The following MARCHF10 variants were observed in gnomAD, a reference collection of about 807,000 sequenced individuals.
The protein encoded by MARCHF10 is probable E3 ubiquitin-protein ligase MARCHF10.
Under a neutral mutation model 76.2 loss-of-function variants are expected in MARCHF10, and 64 were observed. That is an observed-to-expected ratio of 0.84 (90% CI 0.69 to 1.03). The LOEUF (loss-of-function observed/expected upper bound fraction) is 1.03. Among genes scored for constraint, MARCHF10 ranks in the 50% least tolerant of loss-of-function variants. The probability of loss-of-function intolerance (pLI) is 0.00; values close to 1 mark genes in which losing one functional copy is unlikely to be tolerated. For missense variants in MARCHF10, 875 were observed against 958.0 expected (o/e 0.91, Z 1.14); for synonymous variants, 340 against 357.5 (o/e 0.95, Z 0.55).
At chr17:62,746,000 G>T (rs1361421468) in intron 4 of MARCHF10, among the ~76,000 whole-genome samples, 2 of 152,214 alleles carry the variant, frequency 1.3e-5, no homozygotes, top group Admixed American at 1.3e-4. Flanking sequence ...TAAAGCCGGG[G>T]AAAGCCCCCG....
intron 6 of MARCHF10, among the ~76,000 whole-genome samples, chr17:62,731,042 A>G (rs1288400811): frequency 1.3e-5 from 2 of 152,226 alleles, no homozygotes; most frequent in Admixed American, 6.5e-5. Flanking sequence ...TGATATATGA[A>G]AGGAGAATAT....
chr17:62,782,916 C>A (rs1338199729), intron 3 of MARCHF10, among the ~76,000 whole-genome samples: 1 of 152,150 alleles, frequency 6.6e-6, no homozygotes, highest in Non-Finnish European at 1.5e-5. Flanking sequence ...TGTCCAGGGG[C>A]AAATCCTCCA....
chr17:62,714,299 G>A (rs925823240), intron 8 of MARCHF10: 8 of 730,718 alleles, frequency 1.1e-5, no homozygotes, highest in Non-Finnish European at 1.3e-5. Flanking sequence ...TGTGACTTTA[G>A]GCAGAGTTTT....
intron 8 of MARCHF10, chr17:62,714,522 G>A (rs2090093973): frequency 2.0e-6 from 1 of 510,796 alleles, no homozygotes; most frequent in Non-Finnish European, 2.5e-6. Flanking sequence ...TGTCTTGTTT[G>A]CTCCTGACTC....
intron 7 of MARCHF10, among the ~76,000 whole-genome samples, chr17:62,724,059 GAGA>G (rs1311947221): frequency 3.9e-5 from 6 of 152,162 alleles, no homozygotes; most frequent in Non-Finnish European, 8.8e-5. Context: ...GACGGCTAAG[GAGA>G]AGGATATGGA....
chr17:62,725,558 C>T (rs1021427388), intron 6 of MARCHF10, among the ~76,000 whole-genome samples: 1 of 152,222 alleles, frequency 6.6e-6, no homozygotes, highest in Admixed American at 6.5e-5. Context: ...AGCCCCTGGG[C>T]CTGGCTGAGG....
chr17:62,756,338 T>C (rs758553616), intron 4 of MARCHF10, among the ~76,000 whole-genome samples: 6 of 152,008 alleles, frequency 3.9e-5, no homozygotes, highest in Non-Finnish European at 7.4e-5. Flanking sequence ...CACAGCTACT[T>C]GGGAGGCCGG....
intron 3 of MARCHF10, among the ~76,000 whole-genome samples, chr17:62,782,342 G>GTTTTTTTT (rs1386514618): frequency 6.3e-5 from 7 of 111,656 alleles, no homozygotes; most frequent in Non-Finnish European, 8.6e-5. Flanking sequence ...GCAAACAACT[G>GTTTTTTTT]TTCTTTTTTT....
intron 3 of MARCHF10, among the ~76,000 whole-genome samples, chr17:62,770,465 A>C (rs2092421602): frequency 6.6e-6 from 1 of 152,156 alleles, no homozygotes. Flanking sequence ...ACAGTGGCTG[A>C]ACTAATTTAC....
chr17:62,767,874 G>A (rs1046925333), intron 3 of MARCHF10, among the ~76,000 whole-genome samples: 2 of 152,084 alleles, frequency 1.3e-5, no homozygotes, highest in Non-Finnish European at 1.5e-5. Flanking sequence ...GAACTGAATC[G>A]TTCAGCCCCT....
Position 62,703,570 on chromosome 17 carries a change from C to A in MARCHF10, c.2372-1812G>T, listed in dbSNP as rs181434120. 1,396 of 153,440 alleles carry A rather than the reference C, an allele frequency of 9.1e-3. 8 individuals carry two copies. The highest frequency in any genetic ancestry group is 0.012 in the Non-Finnish European group (851 of 68,958). The allele number at this position is 153,440 out of a possible 1,614,324, so 9.5% of individuals were successfully genotyped here. Reference sequence around the variant, plus strand: ...ACCCGTGTCTGGGGTGTGTGCTGAGCTGGGGGCAGGTGGAGATGGCCTGGG... The same window carrying A: ...ACCCGTGTCTGGGGTGTGTGCTGAGATGGGGGCAGGTGGAGATGGCCTGGG... On this transcript the variant is annotated intron_variant, in intron 10 of 10. Coordinates refer to ENST00000311269, the MANE Select transcript of MARCHF10 (RefSeq NM_152598.4).
chr17:62,794,809 C>T (rs140791105), intron 2 of MARCHF10, among the ~76,000 whole-genome samples: 34 of 152,284 alleles, frequency 2.2e-4, no homozygotes, highest in African/African-American at 6.3e-4. Flanking sequence ...GGAGTTGCCA[C>T]TTCCTTCAGT....
At chr17:62,729,912 A>G (rs923444463) in intron 6 of MARCHF10, among the ~76,000 whole-genome samples, 1 of 98,514 alleles carries the variant, frequency 1.0e-5, no homozygotes, top group African/African-American at 3.1e-5. Context: ...AGCCGGGTGC[A>G]GTGGCTCACG....
chr17:62,764,776 G>A (rs4968630), intron 3 of MARCHF10, among the ~76,000 whole-genome samples: 75,549 of 152,110 alleles, frequency 0.5, 20,313 homozygotes, highest in East Asian at 0.7. Context: ...GTTGTAGCAC[G>A]AAGCAAGCAA....
intron 3 of MARCHF10, among the ~76,000 whole-genome samples, chr17:62,782,696 G>C (rs540294666): frequency 2.0e-5 from 3 of 152,158 alleles, no homozygotes; most frequent in African/African-American, 7.2e-5. Context: ...TCTGGGAGGG[G>C]AATCTCCAAA....
chr17:62,759,992 C>T lies in MARCHF10; in HGVS notation c.225G>A (p.Glu75=). 6.2e-7 allele frequency: 1 copy of T among 1,613,848 alleles called. No homozygotes were observed. The highest frequency in any genetic ancestry group is 8.5e-7 in the Non-Finnish European group (1 of 1,179,888). ...ATGACCTTGGTTCAGTTAGAGCATC[C>T]TCCTCACTAGAACTCTACCAAAAAT... is the stretch of plus-strand genomic sequence containing the variant. The part of the protein sequence containing the change: ...RSSSKQSSSE[E]DALTEPRSSI... Residue 75 remains glutamate (E), a synonymous_variant, in exon 4 of 11, where the codon GAG becomes GAA. Coordinates refer to ENST00000311269, the MANE Select transcript of MARCHF10 (RefSeq NM_152598.4).
At chr17:62,752,934 T>G (rs2091937853) in intron 4 of MARCHF10, among the ~76,000 whole-genome samples, 1 of 152,174 alleles carries the variant, frequency 6.6e-6, no homozygotes, top group South Asian at 2.1e-4. Flanking sequence ...AAATCCAATC[T>G]GATTGCATCA....
At chr17:62,714,235 T>G (rs2090077002) in intron 8 of MARCHF10, 1 of 216,088 alleles carries the variant, frequency 4.6e-6, no homozygotes, top group East Asian at 1.8e-4. Context: ...CTGGAGTGCA[T>G]CTTACCTGGA....
chr17:62,736,390 G>A lies in MARCHF10; in HGVS notation c.1478C>T (p.Ser493Leu), dbSNP rs74504785. 952 of 1,614,146 alleles carry A rather than the reference G, an allele frequency of 5.9e-4. 4 individuals are homozygous for A. In the African/African-American group the frequency reaches 0.011, roughly 19 times the overall value. The change falls in exon 6 of 11, where the codon TCG becomes TTG. Residue 493 changes from serine (S) to leucine (L), a missense_variant. Physicochemically the swap from Ser to Leu is moderately radical, Grantham distance 145. Coordinates refer to ENST00000311269, the MANE Select transcript of MARCHF10 (RefSeq NM_152598.4). ...DDIPVDLSMS[S>L]TSVHSSDSEG... Reference sequence around the variant, plus strand: ...TGAGTCTGAGCTGTGAACTGAAGTCGATGACATTGACAAGTCTACTGGAAT... The same window carrying A: ...TGAGTCTGAGCTGTGAACTGAAGTCAATGACATTGACAAGTCTACTGGAAT...
Sources: allele counts gnomAD v4.1 joint callset (sites outside exome capture counted in the v4.1 genomes callset), GRCh38; gene constraint gnomAD v4.1.1; transcripts MANE v1.5; gene names NCBI Gene and HGNC (gene_info 2026-07-23, HGNC 2026-07-21).